TMEM132C: variants seen among roughly 807,000 people sequenced by gnomAD.
TMEM132C encodes the protein transmembrane protein 132C.
In TMEM132C, 29 loss-of-function variants were observed where a neutral mutation model predicts 61.4. The observed-to-expected ratio is 0.47, with a 90% CI of 0.35 to 0.64. The LOEUF (loss-of-function observed/expected upper bound fraction) is 0.64, where lower values mean the gene tolerates loss of function less well. Ranked by LOEUF, TMEM132C falls within the 30% of genes least tolerant of loss-of-function variation. The pLI is 0.00. For synonymous variants in TMEM132C, 656 were observed against 633.1 expected, an observed-to-expected ratio of 1.04 and a Z score of -0.54; for missense variants, 1,408 against 1,476.9, an observed-to-expected ratio of 0.95 and a Z score of 0.76.
intron 2 of TMEM132C, among the ~76,000 whole-genome samples, chr12:128,485,859 C>T (rs577087368): frequency 1.2e-4 from 19 of 152,192 alleles, no homozygotes; most frequent in Non-Finnish European, 2.1e-4. Flanking sequence ...GACAGCAAAG[C>T]ACCTTTCCCT....
At chr12:128,623,409 T>C (rs1054130046) in intron 4 of TMEM132C, among the ~76,000 whole-genome samples, 32 of 149,614 alleles carry the variant, frequency 2.1e-4, no homozygotes, top group Admixed American at 2.0e-3. Context: ...ACTTAAAGTA[T>C]AAAGTATAAT....
intron 1 of TMEM132C, among the ~76,000 whole-genome samples, chr12:128,303,681 G>C (rs1485925625): frequency 6.6e-6 from 1 of 152,202 alleles, no homozygotes; most frequent in Non-Finnish European, 1.5e-5. Context: ...AATGGTGGCT[G>C]TTTTCCTCGC....
chr12:128,346,519 A>G (rs1403139470), intron 1 of TMEM132C, among the ~76,000 whole-genome samples: 2 of 152,286 alleles, frequency 1.3e-5, no homozygotes, highest in South Asian at 2.1e-4. Flanking sequence ...TAACAATATT[A>G]GTTCTTTCTA....
Position 128,405,966 on chromosome 12 carries a change from G to T in TMEM132C, c.86-8766G>T, listed in dbSNP as rs189186770. ...TATTTTACTGGGGAAAGGAATGATT[G>T]TTCTTGTCTGCTGCAACAATTGTTA... On this transcript the variant is annotated intron_variant, in intron 1 of 8. Transcript: ENST00000435159. Among the ~76,000 whole-genome samples the T allele has an allele frequency of 2.0e-5, 3 of 152,334 alleles. No individual in the cohort carries two copies. The East Asian group carries it at 5.8e-4, about 29-fold the overall frequency.
intron 4 of TMEM132C, among the ~76,000 whole-genome samples, chr12:128,655,650 T>C (rs1954318816): frequency 6.6e-6 from 1 of 151,960 alleles, no homozygotes; most frequent in Non-Finnish European, 1.5e-5. Context: ...CTTCCTCTTA[T>C]AACAGCCTTG....
At position 128,650,370 on chromosome 12, in the gene TMEM132C, T is replaced by C. The variant is rs76506605; in HGVS notation, c.1306-19047T>C. On this transcript the variant is annotated intron_variant, in intron 4 of 8. Transcript: ENST00000435159. Reference sequence around the variant, plus strand: ...ATGAACACCTCATGTAAGAGTCTCATTAAAAGGAGGCCATTGCTATTGTAA... The same window carrying C: ...ATGAACACCTCATGTAAGAGTCTCACTAAAAGGAGGCCATTGCTATTGTAA... Among the ~76,000 whole-genome samples, 1,221 of 152,210 alleles carry C rather than the reference T, an allele frequency of 8.0e-3. 17 individuals are homozygous for C. The highest frequency in any genetic ancestry group is 0.023 in the African/African-American group (961 of 41,534).
At chr12:128,510,475 G>A (rs1264326256) in intron 2 of TMEM132C, among the ~76,000 whole-genome samples, 1 of 152,122 alleles carries the variant, frequency 6.6e-6, no homozygotes, top group East Asian at 1.9e-4. Flanking sequence ...TCTCTTTCCG[G>A]GCTAAGGCCT....
intron 1 of TMEM132C, among the ~76,000 whole-genome samples, chr12:128,325,276 T>C (rs1296992748): frequency 6.6e-6 from 1 of 152,200 alleles, no homozygotes; most frequent in Non-Finnish European, 1.5e-5. Context: ...AGAATCCTCT[T>C]GGAAGTTTCA....
At chr12:128,563,653 A>G (rs183483305) in intron 3 of TMEM132C, among the ~76,000 whole-genome samples, 23 of 152,294 alleles carry the variant, frequency 1.5e-4, no homozygotes, top group African/African-American at 5.5e-4. Flanking sequence ...GGCAGTGTAC[A>G]TTCCCGGAAG....
chr12:128,306,910 G>A (rs899442252), intron 1 of TMEM132C, among the ~76,000 whole-genome samples: 2 of 152,172 alleles, frequency 1.3e-5, no homozygotes, highest in African/African-American at 4.8e-5. Context: ...GTGAACCCAT[G>A]TTCTTTAGCT....
intron 1 of TMEM132C, among the ~76,000 whole-genome samples, chr12:128,408,230 A>G (rs957395812): frequency 6.6e-6 from 1 of 152,210 alleles, no homozygotes; most frequent in Non-Finnish European, 1.5e-5. Flanking sequence ...CTCCATCTGT[A>G]TTTTATAGAA....
At chr12:128,308,027 C>T (rs1316250827) in intron 1 of TMEM132C, among the ~76,000 whole-genome samples, 2 of 152,202 alleles carry the variant, frequency 1.3e-5, no homozygotes, top group African/African-American at 2.4e-5. Context: ...AAAGTGGGGC[C>T]ATTCAGAGGC....
At chr12:128,399,606 C>G (rs889496014) in intron 1 of TMEM132C, among the ~76,000 whole-genome samples, 10 of 151,924 alleles carry the variant, frequency 6.6e-5, no homozygotes, top group Admixed American at 5.9e-4. Context: ...AAGAGGTAAA[C>G]CTGGTCTATA....
intron 4 of TMEM132C, among the ~76,000 whole-genome samples, chr12:128,665,234 GGCTC>G (rs1283396494): frequency 7.4e-6 from 1 of 135,030 alleles, no homozygotes; most frequent in Non-Finnish European, 1.6e-5. Flanking sequence ...TATACACACA[GGCTC>G]GCACACACAT....
chr12:128,506,060 A>T (rs1464390936), intron 2 of TMEM132C, among the ~76,000 whole-genome samples: 1 of 152,198 alleles, frequency 6.6e-6, no homozygotes, highest in East Asian at 1.9e-4. Flanking sequence ...CTTCTGTATC[A>T]AGCCTGGATA....
At chr12:128,522,765 C>CTAT (rs766798527) in intron 2 of TMEM132C, among the ~76,000 whole-genome samples, 2 of 152,072 alleles carry the variant, frequency 1.3e-5, no homozygotes, top group South Asian at 2.1e-4. Flanking sequence ...TGAGAATATT[C>CTAT]TATTATTATT....
At chr12:128,275,156 A>G (rs1293883918) in intron 1 of TMEM132C, among the ~76,000 whole-genome samples, 1 of 152,186 alleles carries the variant, frequency 6.6e-6, no homozygotes, top group Non-Finnish European at 1.5e-5. Flanking sequence ...TTTATAAGTC[A>G]GGGTTCCCCA....
intron 4 of TMEM132C, among the ~76,000 whole-genome samples, chr12:128,644,356 G>C (rs1424477215): frequency 6.6e-6 from 1 of 152,026 alleles, no homozygotes; most frequent in African/African-American, 2.4e-5. Context: ...CTTTAACTGG[G>C]GAAAGAATAA....
At chr12:128,579,617 T>A (rs1385717926) in intron 3 of TMEM132C, among the ~76,000 whole-genome samples, 1 of 152,170 alleles carries the variant, frequency 6.6e-6, no homozygotes, top group African/African-American at 2.4e-5. Flanking sequence ...TTCCCAAATA[T>A]GTTGGATGGC....
Sources: gnomAD v4.1 joint callset for allele counts (sites outside exome capture counted in the v4.1 genomes callset) on GRCh38, gnomAD v4.1.1 for gene constraint, MANE v1.5 for transcripts, NCBI Gene and HGNC (gene_info 2026-07-23, HGNC 2026-07-21) for gene names.